Variants in CORO7 observed in about 807,000 individuals in gnomAD.
CORO7 encodes coronin-7.
In CORO7, 107 loss-of-function variants were observed where a neutral mutation model predicts 126.6. That is an observed-to-expected ratio of 0.85 (90% CI 0.72 to 0.99). The LOEUF (loss-of-function observed/expected upper bound fraction) is 0.99. Ranked by LOEUF, CORO7 falls within the 50% of genes least tolerant of loss-of-function variation. The probability of loss-of-function intolerance (pLI) is 0.00; values close to 1 mark genes in which losing one functional copy is unlikely to be tolerated. For missense variants in CORO7, 1,314 were observed against 1,255.8 expected, an observed-to-expected ratio of 1.05 and a Z score of -0.70; for synonymous variants, 603 against 536.8, an observed-to-expected ratio of 1.12 and a Z score of -1.70.
At chr16:4,408,684 C>T (rs926159409) in intron 3 of CORO7, among the ~76,000 whole-genome samples, 1 of 152,182 alleles carries the variant, frequency 6.6e-6, no homozygotes, top group Non-Finnish European at 1.5e-5. Context: ...GAATGGTGGC[C>T]GGGCATGGTG....
chr16:4,389,281 G>A (rs1188284939), intron 7 of CORO7, among the ~76,000 whole-genome samples: 1 of 152,310 alleles, frequency 6.6e-6, no homozygotes, highest in South Asian at 2.1e-4. Context: ...CGGCCCCTGG[G>A]AGGAGAGGGA....
chr16:4,382,350 C>A (rs1369319318), intron 9 of CORO7: 6 of 1,611,914 alleles, frequency 3.7e-6, no homozygotes, highest in Non-Finnish European at 5.1e-6. Context: ...CCGTGCAGCT[C>A]AGGAGCCTCC....
chr16:4,374,589 C>G (rs1389722200), intron 9 of CORO7, among the ~76,000 whole-genome samples: 3 of 152,126 alleles, frequency 2.0e-5, no homozygotes, highest in Admixed American at 6.5e-5. Context: ...CCTGCTGGCC[C>G]TGGGCCCCGA....
At chr16:4,392,335 G>A (rs2055423326) in intron 7 of CORO7, among the ~76,000 whole-genome samples, 2 of 152,260 alleles carry the variant, frequency 1.3e-5, no homozygotes, top group Non-Finnish European at 1.5e-5. Flanking sequence ...TGGGACCATG[G>A]AGAAGCCACA....
intron 23 of CORO7, chr16:4,358,747 G>A: frequency 2.5e-6 from 1 of 406,986 alleles, no homozygotes; most frequent in Non-Finnish European, 4.4e-6. Context: ...GTGGTGTTGG[G>A]AAGAGATGTA....
At chr16:4,413,233 C>A (rs2056279801) in intron 2 of CORO7, 75 bp downstream of exon 2, 1 of 1,452,264 alleles carries the variant, frequency 6.9e-7, no homozygotes. Context: ...CAAGCCTGCC[C>A]CTGCTCCCCA....
At chr16:4,380,687 G>A (rs918877576) in intron 9 of CORO7, among the ~76,000 whole-genome samples, 3 of 152,256 alleles carry the variant, frequency 2.0e-5, no homozygotes, top group African/African-American at 4.8e-5. Flanking sequence ...AGGTCACACA[G>A]TGAGGGAGTG....
rs80207788 is a variant in CORO7, at chr16:4,360,880, A to G, written c.1917+63T>C. The stretch of plus-strand genomic sequence containing the variant: ...CCCGCCACTCCTCACTGCTGGCCCC[A>G]CCTCTCCACACTGCTGGCCCCGCCT... On this transcript the variant is annotated intron_variant, in intron 19 of 27. Coordinates refer to ENST00000251166, the MANE Select transcript of CORO7 (RefSeq NM_024535.5). The G allele has an allele frequency of 5.6e-3, 1,824 of 326,224 alleles. 4 individuals carry two copies. The highest frequency in any genetic ancestry group is 0.016 in the African/African-American group (329 of 20,530). 20.2% of individuals were successfully genotyped at this position (326,224 alleles called of 1,614,324 possible).
At chr16:4,371,508 G>A (rs1029078187) in intron 9 of CORO7, among the ~76,000 whole-genome samples, 1 of 152,222 alleles carries the variant, frequency 6.6e-6, no homozygotes, top group Non-Finnish European at 1.5e-5. Context: ...CTCCAGGGCC[G>A]CAGAGGCCCT....
At chr16:4,356,333 T>C (rs576535307) in intron 26 of CORO7, 4 of 152,152 alleles carry the variant, frequency 2.6e-5, no homozygotes, top group Non-Finnish European at 5.9e-5. Context: ...CCATCACTTA[T>C]ATCCTCTTGC....
chr16:4,401,058 T>A (rs975548121), intron 6 of CORO7, among the ~76,000 whole-genome samples: 1 of 152,132 alleles, frequency 6.6e-6, no homozygotes, highest in Non-Finnish European at 1.5e-5. Flanking sequence ...AGCCCCTCCC[T>A]GAGAGATGAG....
chr16:4,383,419 T>C (rs1304838505), intron 9 of CORO7: 3 of 167,320 alleles, frequency 1.8e-5, no homozygotes, highest in Non-Finnish European at 2.9e-5. Flanking sequence ...CCTTTCCCAT[T>C]TATTCTGGGA....
chr16:4,376,298 C>T (rs1455791600), intron 9 of CORO7, among the ~76,000 whole-genome samples: 2 of 152,218 alleles, frequency 1.3e-5, no homozygotes, highest in Admixed American at 6.5e-5. Flanking sequence ...TCCTGGCCGC[C>T]GGCACAGTCC....
intron 9 of CORO7, among the ~76,000 whole-genome samples, chr16:4,379,462 G>A (rs2054873888): frequency 6.6e-6 from 1 of 152,050 alleles, no homozygotes; most frequent in Non-Finnish European, 1.5e-5. Context: ...CGCCCCCAGG[G>A]CCATCTGGAG....
chr16:4,382,905 A>G (rs1218223137), intron 9 of CORO7: 6 of 1,500,114 alleles, frequency 4.0e-6, no homozygotes, highest in African/African-American at 1.4e-5. Flanking sequence ...TCTAAGCCAG[A>G]GAGAGACAGG....
At chr16:4,414,888 G>A (rs962122065) in intron 1 of CORO7, among the ~76,000 whole-genome samples, 8 of 152,058 alleles carry the variant, frequency 5.3e-5, no homozygotes, top group African/African-American at 9.7e-5. Context: ...TTGAGACAGT[G>A]TCTCACTCTA....
At chr16:4,381,985 G>C in intron 9 of CORO7, 1 of 1,607,674 alleles carries the variant, frequency 6.2e-7, no homozygotes, top group South Asian at 1.1e-5. Flanking sequence ...GGAGCCCACA[G>C]CCTTGTCTTC....
At chr16:4,355,547 C>G in intron 26 of CORO7, 175 bp from the exon 27 acceptor site, 1 of 656,356 alleles carries the variant, frequency 1.5e-6, no homozygotes, top group Non-Finnish European at 2.6e-6. Context: ...CGGCTCACTG[C>G]AAGCTCTGCC....
chr16:4,364,876 C>A lies in CORO7; in HGVS notation c.943G>T (p.Val315Leu), dbSNP rs376576601. 6.5e-5 allele frequency: 104 copies of A among 1,611,722 alleles called. No homozygotes were observed. The highest frequency in any genetic ancestry group is 8.5e-5 in the Non-Finnish European group (100 of 1,179,680). Residue 315 changes from valine to leucine, a missense_variant, in exon 12 of 28, where the codon GTG (valine) becomes TTG (leucine). Physicochemically the swap from Val to Leu is conservative, Grantham distance 32 (BLOSUM62 1). Transcript: ENST00000251166. Reference protein sequence around the residue: ...LESVLRGAALVPRQALAVMSC... With the variant: ...LESVLRGAALLPRQALAVMSC... ...ATGACGGCCAGCGCCTGCCGGGGCA[C>A]AAGGGCAGCCCCACGCAGCACGCTC...
Sources: allele counts gnomAD v4.1 joint callset (sites outside exome capture counted in the v4.1 genomes callset), GRCh38; gene constraint gnomAD v4.1.1; transcripts MANE v1.5; gene names NCBI Gene and HGNC (gene_info 2026-07-23, HGNC 2026-07-21).